ZNF425: variants seen among roughly 807,000 people sequenced by gnomAD.
The protein encoded by ZNF425 is zinc finger protein 425.
ZNF425 carries 21 observed loss-of-function variants against 17.0 expected under a neutral mutation model. The observed-to-expected ratio is 1.23, with a 90% CI of 0.88 to 1.78. The LOEUF (loss-of-function observed/expected upper bound fraction) is 1.78. ZNF425 is among the 40% of genes most tolerant of loss of function. ZNF425 has a pLI of 0.00. For missense variants in ZNF425, 868 were observed against 967.3 expected (o/e 0.90, Z 1.36); for synonymous variants, 433 against 384.1 (o/e 1.13, Z -1.49).
intron 2 of ZNF425, among the ~76,000 whole-genome samples, chr7:149,117,468 C>A (rs541489843): frequency 1.3e-5 from 2 of 152,034 alleles, no homozygotes; most frequent in African/African-American, 4.8e-5. Context: ...ATGTTGCATC[C>A]CAGCTTATTC....
intron 3 of ZNF425, among the ~76,000 whole-genome samples, chr7:149,110,567 C>CAAA (rs776168505): frequency 2.5e-5 from 2 of 80,896 alleles, no homozygotes; most frequent in African/African-American, 3.8e-5. Flanking sequence ...CTCCATCTCA[C>CAAA]AAAAAAAAAA....
At chr7:149,118,074 C>A in intron 2 of ZNF425, 148 bp downstream of exon 2, 1 of 829,710 alleles carries the variant, frequency 1.2e-6, no homozygotes, top group Non-Finnish European at 1.9e-6. Flanking sequence ...ATTTAATATT[C>A]CCAGGCCATT....
rs375404780 is a variant in ZNF425, at chr7:149,118,388, C to T, written c.19-40G>A. ...AGTATACACATACATTTTTACTTTA[C>T]GGCTACTTTGTTTTTCAATGTCCAT... On this transcript the variant is annotated intron_variant, in intron 1 of 3. Coordinates refer to ENST00000378061, the MANE Select transcript of ZNF425 (RefSeq NM_001001661.3). 6.3e-5 allele frequency: 102 copies of T among 1,608,726 alleles called. 1 individual carries two copies. The highest frequency in any genetic ancestry group is 2.9e-4 in the South Asian group (26 of 90,684).
At chr7:149,124,521 A>ATTT (rs140291330) in intron 1 of ZNF425, among the ~76,000 whole-genome samples, 27 of 149,292 alleles carry the variant, frequency 1.8e-4, no homozygotes, top group African/African-American at 5.5e-4. Context: ...CCTCACCCAT[A>ATTT]TTTTTTTGTT....
chr7:149,114,639 C>T (rs1192589040), intron 2 of ZNF425, among the ~76,000 whole-genome samples: 1 of 151,718 alleles, frequency 6.6e-6, no homozygotes, highest in Non-Finnish European at 1.5e-5. Context: ...CCTCATGATC[C>T]ACTCACCTTG....
In ZNF425 at chr7:149,103,163, C is replaced by T. The variant is rs1826004110; in HGVS notation, c.*449G>A. ...TTATTTGGAACTTTTGTCAAGGAGC[C>T]ATAGAGTTCTGCAGACCACACACCT... On this transcript the variant is annotated 3_prime_UTR_variant, in exon 4 of 4. Transcript: ENST00000378061. The T allele has an allele frequency of 6.4e-6, 1 of 156,858 alleles. No individual in the cohort carries two copies. Among genetic ancestry groups the T allele is most frequent in the African/African-American group, 2.4e-5 (1 of 41,508 alleles). The allele number at this position is 156,858 out of a possible 1,614,324, so 9.7% of individuals were successfully genotyped here.
chr7:149,107,864 AT>A (rs1274582192), intron 3 of ZNF425, among the ~76,000 whole-genome samples: 1 of 149,652 alleles, frequency 6.7e-6, no homozygotes, highest in African/African-American at 2.5e-5. Context: ...TTATTTATTT[AT>A]TTATTTATTT....
Position 149,111,595 on chromosome 7 carries a change from A to T in ZNF425, c.304+542T>A, listed in dbSNP as rs1442399150. Among the ~76,000 whole-genome samples, 6 of 26,466 alleles carry T rather than the reference A, an allele frequency of 2.3e-4. No homozygotes were observed. The East Asian group carries it at 0.11, about 479-fold the overall frequency. 17.4% of individuals were successfully genotyped at this position (26,466 alleles called of 152,430 possible). On this transcript the variant is annotated intron_variant, in intron 3 of 3. Transcript: ENST00000378061. The stretch of plus-strand genomic sequence containing the variant: ...TGACAGAGCAAGACTCTGTCTAAAA[A>T]AAAAAAAAAAAAAAAAAAAAAAAAA...
rs189687536 is a variant in ZNF425 at position 149,104,601 on chromosome 7, G to A, written c.1270C>T (p.Arg424Cys). 3 of 1,614,000 alleles carry A rather than the reference G, an allele frequency of 1.9e-6. No individual in the cohort carries two copies. Among genetic ancestry groups the A allele is most frequent in the African/African-American group, 1.3e-5 (1 of 75,010 alleles). ...TGGGCTTTCAGGCTTCTCTTGAGGC[G>A]GAAACTTTTGTTACACTCGGGACAC... ...FSCPECNKSF[R>C]LKRSLKAHGL... The change falls in exon 4 of 4, where the codon CGC becomes TGC. Residue 424 changes from arginine (R) to cysteine (C), a missense_variant. Coordinates refer to ENST00000378061, the MANE Select transcript of ZNF425 (RefSeq NM_001001661.3). This position sits in a 1 kb window ranked among gnomAD's most constrained non-coding sequence, Gnocchi z 4.3.
intron 1 of ZNF425, among the ~76,000 whole-genome samples, chr7:149,120,741 A>C (rs1826337083): frequency 6.6e-6 from 1 of 152,188 alleles, no homozygotes; most frequent in African/African-American, 2.4e-5. Flanking sequence ...ACAACCACAA[A>C]ATTGCCTAAC....
chr7:149,117,134 G>A (rs1826278363), intron 2 of ZNF425, among the ~76,000 whole-genome samples: 3 of 151,908 alleles, frequency 2.0e-5, no homozygotes, highest in African/African-American at 4.8e-5. Context: ...CGCGGTGGCG[G>A]GCACCTGTAG....
At chr7:149,114,931 C>CTTTTTTTTTTTT (rs35954198) in intron 2 of ZNF425, among the ~76,000 whole-genome samples, 3 of 101,026 alleles carry the variant, frequency 3.0e-5, no homozygotes, top group Non-Finnish European at 5.9e-5. Context: ...TCTTTCTTTT[C>CTTTTTTTTTTTT]TTTTTTTTTT....
intron 2 of ZNF425, among the ~76,000 whole-genome samples, chr7:149,114,931 C>CTTTTTTT (rs35954198): frequency 1.9e-4 from 19 of 101,022 alleles, no homozygotes; most frequent in South Asian, 6.0e-4. Context: ...TCTTTCTTTT[C>CTTTTTTT]TTTTTTTTTT....
Position 149,126,288 on chromosome 7 carries a change from G to A in ZNF425, c.-75C>T, listed in dbSNP as rs904884406. The A allele has an allele frequency of 3.9e-6, 6 of 1,550,158 alleles. No individual in the cohort carries two copies. Among genetic ancestry groups the A allele is most frequent in the Non-Finnish European group, 5.2e-6 (6 of 1,148,520 alleles). On this transcript the variant is annotated 5_prime_UTR_variant, in exon 1 of 4. Transcript: ENST00000378061. ...CGCCCCAACCCAACTCCCAGGTACA[G>A]CCCTGCTGGCCCCCAAAGGCAGAGC...
At chr7:149,116,758 G>A (rs1017386883) in intron 2 of ZNF425, among the ~76,000 whole-genome samples, 9 of 152,014 alleles carry the variant, frequency 5.9e-5, no homozygotes, top group Non-Finnish European at 1.3e-4. Context: ...CCTACCACAG[G>A]CTCAGTGTAG....
chr7:149,118,434 A>G (rs1826302376), intron 1 of ZNF425, 86 bp from the exon 2 acceptor site: 1 of 1,466,590 alleles, frequency 6.8e-7, no homozygotes, highest in Admixed American at 1.8e-5. Context: ...AGATACAGAA[A>G]GAAAACATGT....
chr7:149,110,363 C>T (rs1426606863), intron 3 of ZNF425, among the ~76,000 whole-genome samples: 5 of 151,290 alleles, frequency 3.3e-5, no homozygotes, highest in Admixed American at 6.6e-5. Context: ...GTCAGGAGTT[C>T]GAGACCAGCC....
chr7:149,113,491 T>G (rs1826206987), intron 2 of ZNF425: 1 of 152,492 alleles, frequency 6.6e-6, no homozygotes, highest in Non-Finnish European at 1.5e-5. Flanking sequence ...GTGGGAGGAC[T>G]GCTTGAGCCC....
chr7:149,110,522 T>A (rs71532760), intron 3 of ZNF425, among the ~76,000 whole-genome samples: 7 of 148,478 alleles, frequency 4.7e-5, no homozygotes, highest in African/African-American at 1.8e-4. Flanking sequence ...GCCCACACGG[T>A]GCCACTGCAC....
Sources: allele counts gnomAD v4.1 joint callset (sites outside exome capture counted in the v4.1 genomes callset), GRCh38; gene constraint gnomAD v4.1.1; non-coding constraint Gnocchi (gnomAD v3.1); transcripts MANE v1.5; gene names NCBI Gene and HGNC (gene_info 2026-07-23, HGNC 2026-07-21).